UTRN: variants seen among roughly 807,000 people sequenced by gnomAD.
The protein encoded by UTRN is utrophin.
A neutral mutation model predicts 463.9 loss-of-function variants in UTRN; 283 were observed. That is an observed-to-expected ratio of 0.61 (90% CI 0.55 to 0.67). The LOEUF (loss-of-function observed/expected upper bound fraction) is 0.67. UTRN is among the 30% of genes least tolerant of loss of function. UTRN has a pLI of 0.00. For synonymous variants in UTRN, 1,442 were observed against 1,431.5 expected (o/e 1.01, Z -0.17); for missense variants, 3,922 against 4,084.3 (o/e 0.96, Z 1.08).
intron 65 of UTRN, among the ~76,000 whole-genome samples, chr6:144,810,105 C>G (rs1778482922): frequency 6.6e-6 from 1 of 152,196 alleles, no homozygotes; most frequent in African/African-American, 2.4e-5. Flanking sequence ...CCTGTTTGTT[C>G]AGATTCTTTT....
At chr6:144,616,434 A>G (rs1806107464) in intron 51 of UTRN, among the ~76,000 whole-genome samples, 2 of 152,158 alleles carry the variant, frequency 1.3e-5, no homozygotes, top group Admixed American at 1.3e-4. Context: ...TATAATTTGC[A>G]GTAGCAAGCC....
intron 51 of UTRN, among the ~76,000 whole-genome samples, chr6:144,641,928 A>G (rs1777813899): frequency 6.6e-6 from 1 of 152,252 alleles, no homozygotes; most frequent in African/African-American, 2.4e-5. Flanking sequence ...CATGAATATG[A>G]AATTAGCAAC....
intron 2 of UTRN, among the ~76,000 whole-genome samples, chr6:144,315,898 G>T (rs993699214): frequency 2.0e-5 from 3 of 152,202 alleles, no homozygotes; most frequent in African/African-American, 7.2e-5. Context: ...ACGTCATGGC[G>T]CTGTGAACTG....
chr6:144,610,723 A>C (rs1805407689), intron 51 of UTRN, among the ~76,000 whole-genome samples: 1 of 152,146 alleles, frequency 6.6e-6, no homozygotes, highest in South Asian at 2.1e-4. Context: ...AAAAATACAA[A>C]AATTAGCCGG....
chr6:144,473,793 G>C lies in UTRN; in HGVS notation c.3140G>C (p.Gly1047Ala). 6.2e-7 allele frequency: 1 copy of C among 1,614,168 alleles called. No homozygotes were observed. The highest frequency in any genetic ancestry group is 8.5e-7 in the Non-Finnish European group (1 of 1,180,018). The part of the protein sequence containing the change: ...DFLMKQQAAQ[G>A]DDAGLQRQLD... Reference sequence around the variant, plus strand: ...TTAATGAAACAGCAGGCTGCCCAAGGAGACGACGCAGGTCTACAGAGGCAG... The same window carrying C: ...TTAATGAAACAGCAGGCTGCCCAAGCAGACGACGCAGGTCTACAGAGGCAG... Residue 1047 changes from glycine (G) to alanine (A), a missense_variant, in exon 24 of 75, where the codon GGA becomes GCA. Gly to Ala is a moderately conservative substitution (Grantham distance 60). This residue lies in a region of UTRN where 2,349 missense variants were observed against 2,303.8 expected (regional missense o/e 1.02). Transcript: ENST00000367545.
intron 68 of UTRN, 44 bp downstream of exon 68, chr6:144,827,720 A>C (rs767528597): frequency 1.1e-5 from 18 of 1,583,360 alleles, no homozygotes; most frequent in Non-Finnish European, 1.6e-5. Context: ...TGCCACCCAG[A>C]ATGTATCTAT....
At chr6:144,697,140 G>A (rs80300124) in intron 52 of UTRN, among the ~76,000 whole-genome samples, 1 of 152,052 alleles carries the variant, frequency 6.6e-6, no homozygotes, top group East Asian at 1.9e-4. Context: ...ATATTCTGTA[G>A]TAGACATCAT....
chr6:144,376,063 T>G (rs1291859614), intron 2 of UTRN, among the ~76,000 whole-genome samples: 1 of 152,154 alleles, frequency 6.6e-6, no homozygotes, highest in Non-Finnish European at 1.5e-5. Context: ...CACAGCTTCC[T>G]GCAGTCTTGA....
intron 39 of UTRN, among the ~76,000 whole-genome samples, chr6:144,519,059 C>G (rs547684471): frequency 6.6e-6 from 1 of 152,150 alleles, no homozygotes; most frequent in East Asian, 1.9e-4. Context: ...CACTAGTTTA[C>G]AGGACTCATT....
rs1308136707 is a variant in UTRN, at chr6:144,820,882, A to G, written c.9358A>G (p.Thr3120Ala). 1 of 1,612,520 alleles carries G rather than the reference A, an allele frequency of 6.2e-7. No individual in the cohort carries two copies. The highest frequency in any genetic ancestry group is 1.7e-5 in the Admixed American group (1 of 59,738). ...AGTGTAATTGTTTTCAACCTTATAG[A>G]CAACATCTGGGGAAGATGTACGAGA... ...HYPMVEYCIP[T>A]TSGEDVRDFT... The change falls in exon 66 of 75, where the codon ACA becomes GCA. Residue 3120 changes from threonine (T) to alanine (A), a missense_variant and splice_region_variant. Thr to Ala is a moderately conservative substitution (Grantham distance 58). Transcript: ENST00000367545.
At chr6:144,312,611 C>A (rs1775013229) in intron 2 of UTRN, among the ~76,000 whole-genome samples, 1 of 152,092 alleles carries the variant, frequency 6.6e-6, no homozygotes, top group Non-Finnish European at 1.5e-5. Context: ...TACAGAATTT[C>A]CCTTTTTCTG....
rs1796231103 is a variant in UTRN, at chr6:144,522,873, A to G, written c.5734-143A>G. The G allele has an allele frequency of 1.0e-5, 7 of 701,980 alleles. No homozygotes were observed. The South Asian group carries it at 1.8e-4, about 18-fold the overall frequency. The allele number at this position is 701,980 out of a possible 1,614,324, so 43.5% of individuals were successfully genotyped here. A position where few individuals can be genotyped will look rare whatever the true frequency, so the allele number is the denominator to read the frequency against. On this transcript the variant is annotated intron_variant, in intron 40 of 74. Coordinates refer to ENST00000367545, the MANE Select transcript of UTRN (RefSeq NM_007124.3). The stretch of plus-strand genomic sequence containing the variant: ...AACAGAGTATCATTTAAAAAAAAAA[A>G]GTTTTCAGTTTTCATGATTAACAAT...
chr6:144,332,421 AT>A (rs1776403143), intron 2 of UTRN, among the ~76,000 whole-genome samples: 2 of 152,206 alleles, frequency 1.3e-5, no homozygotes. Context: ...AGCATTTGTA[AT>A]AGACTTGCTA....
intron 27 of UTRN, among the ~76,000 whole-genome samples, chr6:144,482,893 A>T (rs1177154277): frequency 6.6e-6 from 1 of 151,528 alleles, no homozygotes; most frequent in Non-Finnish European, 1.5e-5. Flanking sequence ...TAGATAAAAT[A>T]CCTTTTTTTT....
chr6:144,493,226 GT>G (rs1793233833), intron 32 of UTRN, 74 bp from the exon 33 acceptor site: 2 of 1,448,192 alleles, frequency 1.4e-6, no homozygotes, highest in Non-Finnish European at 1.9e-6. Context: ...TGTGTAAGCT[GT>G]GGTCTGACAT....
chr6:144,616,861 C>T (rs996988918), intron 51 of UTRN, among the ~76,000 whole-genome samples: 2 of 152,118 alleles, frequency 1.3e-5, no homozygotes, highest in Admixed American at 6.6e-5. Context: ...AGGTGGGCAT[C>T]AGTGCAGCCA....
chr6:144,730,800 G>T (rs888493689), intron 54 of UTRN, among the ~76,000 whole-genome samples: 4 of 151,216 alleles, frequency 2.6e-5, no homozygotes, highest in African/African-American at 9.7e-5. Flanking sequence ...ATTTAAACAA[G>T]TTACATGATA....
chr6:144,696,859 T>C (rs1171969790), intron 52 of UTRN, among the ~76,000 whole-genome samples: 1 of 152,196 alleles, frequency 6.6e-6, no homozygotes, highest in Non-Finnish European at 1.5e-5. Flanking sequence ...TTTCCTTTTA[T>C]ATCTGTACAC....
intron 2 of UTRN, among the ~76,000 whole-genome samples, chr6:144,345,506 C>T (rs1777491658): frequency 6.6e-6 from 1 of 152,098 alleles, no homozygotes; most frequent in Non-Finnish European, 1.5e-5. Flanking sequence ...GAGATTCCAT[C>T]TCTACAAAAA....
Sources: gnomAD v4.1 joint callset for allele counts (sites outside exome capture counted in the v4.1 genomes callset) on GRCh38, gnomAD v4.1.1 for gene constraint, gnomAD v4.1.1 regional missense constraint, MANE v1.5 for transcripts, NCBI Gene and HGNC (gene_info 2026-07-23, HGNC 2026-07-21) for gene names.